The following B3GAT2 variants were observed in gnomAD, a reference collection of about 807,000 sequenced individuals.
B3GAT2 encodes the protein beta-1,3-glucuronyltransferase 2, also known as galactosylgalactosylxylosylprotein 3-beta-glucuronosyltransferase 2.
Under a neutral mutation model 27.8 loss-of-function variants are expected in B3GAT2, and 26 were observed. The ratio of observed to expected loss-of-function variants is 0.93; its 90% CI spans 0.68 to 1.30. B3GAT2 has a LOEUF of 1.30. Ranked by LOEUF, B3GAT2 falls within the 50% of genes most tolerant of loss-of-function variation. The pLI is 0.00. For synonymous variants in B3GAT2, 218 were observed against 195.1 expected (o/e 1.12, Z -0.98); for missense variants, 458 against 459.0 (o/e 1.00, Z 0.02).
At chr6:70,941,870 C>G (rs1193442559) in intron 1 of B3GAT2, among the ~76,000 whole-genome samples, 1 of 152,026 alleles carries the variant, frequency 6.6e-6, no homozygotes, top group East Asian at 1.9e-4. Context: ...CAACAGTAAA[C>G]AAAAGAAAAT....
In B3GAT2 at chr6:70,856,711, TGTAA is replaced by T; in HGVS notation, c.*4948_*4951del. On this transcript the variant is annotated 3_prime_UTR_variant, in exon 4 of 4. Coordinates refer to ENST00000230053, the MANE Select transcript of B3GAT2 (RefSeq NM_080742.3). ...AGATGTTTTTATATGGGCTTGGGCTTGTAAGTGATCCTCTTGAATGGCACCATTT... is the reference window on the plus strand; with the variant it reads ...AGATGTTTTTATATGGGCTTGGGCTTGTGATCCTCTTGAATGGCACCATTT... 1.4e-6 allele frequency: 1 copy of T among 697,682 alleles called. No homozygotes were observed. The highest frequency in any genetic ancestry group is 2.3e-6 in the Non-Finnish European group (1 of 439,726). 43.2% of individuals were successfully genotyped at this position (697,682 alleles called of 1,614,324 possible). A position where few individuals can be genotyped will look rare whatever the true frequency, so the allele number is the denominator to read the frequency against.
chr6:70,861,393 T>C lies in B3GAT2; in HGVS notation c.*270A>G. The C allele has an allele frequency of 2.3e-6, 1 of 426,858 alleles. No homozygotes were observed. The highest frequency in any genetic ancestry group is 4.3e-6 in the Non-Finnish European group (1 of 235,224). 26.4% of individuals were successfully genotyped at this position (426,858 alleles called of 1,614,324 possible). A position where few individuals can be genotyped will look rare whatever the true frequency, so the allele number is the denominator to read the frequency against. On this transcript the variant is annotated 3_prime_UTR_variant, in exon 4 of 4. Coordinates refer to ENST00000230053, the MANE Select transcript of B3GAT2 (RefSeq NM_080742.3). ...TACTCAAGAGTGGTATCTTGCAGTA[T>C]CGGCACTGTACAAAAAAATCTTCCA...
intron 1 of B3GAT2, among the ~76,000 whole-genome samples, chr6:70,952,843 G>A (rs1410133761): frequency 6.6e-6 from 1 of 152,214 alleles, no homozygotes; most frequent in Non-Finnish European, 1.5e-5. Context: ...TGAAAGGAAA[G>A]GCTGAAAATT....
chr6:70,894,307 C>G, intron 1 of B3GAT2, 35 bp from the exon 2 acceptor site: 1 of 1,521,524 alleles, frequency 6.6e-7, no homozygotes, highest in Non-Finnish European at 8.9e-7. Context: ...TTTTAAGTTT[C>G]CTTAGGAAAA....
chr6:70,951,145 T>A (rs1765572964), intron 1 of B3GAT2, among the ~76,000 whole-genome samples: 1 of 151,996 alleles, frequency 6.6e-6, no homozygotes, highest in South Asian at 2.1e-4. Flanking sequence ...TATTCCAGAG[T>A]CCAAAACATT....
intron 1 of B3GAT2, among the ~76,000 whole-genome samples, chr6:70,938,622 T>G (rs1765336219): frequency 6.6e-6 from 1 of 151,602 alleles, no homozygotes; most frequent in South Asian, 2.1e-4. Flanking sequence ...TATCTGATCT[T>G]TGACAAACCT....
chr6:70,868,311 A>C (rs1562213621), intron 2 of B3GAT2, among the ~76,000 whole-genome samples: 1 of 152,172 alleles, frequency 6.6e-6, no homozygotes, highest in Non-Finnish European at 1.5e-5. Flanking sequence ...TGGCCATTTA[A>C]ATAAGGCTCC....
intron 2 of B3GAT2, among the ~76,000 whole-genome samples, chr6:70,884,429 T>C (rs540920378): frequency 6.6e-6 from 1 of 152,292 alleles, no homozygotes; most frequent in Non-Finnish European, 1.5e-5. Flanking sequence ...CAGCAAACAT[T>C]TGTTCAAGCT....
rs1195929610 is a variant in B3GAT2 at position 70,860,479 on chromosome 6, C to CTGTACTGATTCA, written c.*1172_*1183dup. Reference sequence around the variant, plus strand: ...GAATGATCTGATTGACCGTGTTGGTCTGTACTGATTCAATTTGATGTGGTG... The same window carrying CTGTACTGATTCA: ...GAATGATCTGATTGACCGTGTTGGTCTGTACTGATTCATGTACTGATTCAATTTGATGTGGTG... On this transcript the variant is annotated 3_prime_UTR_variant, in exon 4 of 4. Transcript: ENST00000230053. 1.1e-6 allele frequency: 1 copy of CTGTACTGATTCA among 921,592 alleles called. No homozygotes were observed. The highest frequency in any genetic ancestry group is 1.7e-5 in the African/African-American group (1 of 58,868). 57.1% of individuals were successfully genotyped at this position (921,592 alleles called of 1,614,324 possible).
In B3GAT2 at chr6:70,873,625, CA is replaced by C. The variant is rs140119123; in HGVS notation, c.737-11648del. Among the ~76,000 whole-genome samples the C allele has an allele frequency of 8.0e-3, 1,215 of 152,120 alleles. 10 individuals are homozygous for C. The highest frequency in any genetic ancestry group is 0.034 in the Middle Eastern group (10 of 294). Reference sequence around the variant, plus strand: ...TTCATACAGATTTGGGAAGTTCTAACATTTTTTTTCAAATATTCTTTTTGTC... The same window carrying C: ...TTCATACAGATTTGGGAAGTTCTAACTTTTTTTTCAAATATTCTTTTTGTC... On this transcript the variant is annotated intron_variant, in intron 2 of 3. Transcript: ENST00000230053.
chr6:70,860,004 C>T lies in B3GAT2; in HGVS notation c.*1659G>A. 1 of 499,384 alleles carries T rather than the reference C, an allele frequency of 2.0e-6. No homozygotes were observed. The highest frequency in any genetic ancestry group is 3.2e-6 in the Non-Finnish European group (1 of 308,680). 30.9% of individuals were successfully genotyped at this position (499,384 alleles called of 1,614,324 possible). On this transcript the variant is annotated 3_prime_UTR_variant, in exon 4 of 4. Coordinates refer to ENST00000230053, the MANE Select transcript of B3GAT2 (RefSeq NM_080742.3). The stretch of plus-strand genomic sequence containing the variant: ...AAGTTGTGGTTAATCTTTGGGGAAA[C>T]TGTATCTAGAAAGTAGATAAAGAAG...
At chr6:70,886,353 G>A (rs1238980693) in intron 2 of B3GAT2, among the ~76,000 whole-genome samples, 1 of 152,172 alleles carries the variant, frequency 6.6e-6, no homozygotes, top group African/African-American at 2.4e-5. Context: ...AACACAGAAT[G>A]CTTCCAAATG....
intron 1 of B3GAT2, among the ~76,000 whole-genome samples, chr6:70,896,039 AG>A (rs1475305208): frequency 2.0e-5 from 3 of 152,190 alleles, no homozygotes; most frequent in Non-Finnish European, 4.4e-5. Context: ...CTTTCCTTTC[AG>A]GAATATGAAA....
intron 1 of B3GAT2, among the ~76,000 whole-genome samples, chr6:70,950,445 G>A (rs1015622371): frequency 6.6e-6 from 1 of 152,082 alleles, no homozygotes; most frequent in Non-Finnish European, 1.5e-5. Flanking sequence ...CAAGGCTCCT[G>A]CTAATCAGGT....
chr6:70,939,315 A>C (rs9446309), intron 1 of B3GAT2, among the ~76,000 whole-genome samples: 118,440 of 118,456 alleles, frequency 1, 59,212 homozygotes, highest in Middle Eastern at 1. Flanking sequence ...TAAACTAGTA[A>C]AACCATTGTG....
chr6:70,932,576 G>C (rs1236928238), intron 1 of B3GAT2, among the ~76,000 whole-genome samples: 1 of 152,090 alleles, frequency 6.6e-6, no homozygotes, highest in Middle Eastern at 3.2e-3. Context: ...CTTATATGAG[G>C]TACCTAGTCC....
chr6:70,929,857 G>A (rs1773030911), intron 1 of B3GAT2, among the ~76,000 whole-genome samples: 1 of 152,082 alleles, frequency 6.6e-6, no homozygotes, highest in Non-Finnish European at 1.5e-5. Flanking sequence ...AAGTTCATAT[G>A]GAACCAAAAA....
intron 1 of B3GAT2, among the ~76,000 whole-genome samples, chr6:70,934,971 C>A (rs1158573176): frequency 2.0e-5 from 3 of 152,066 alleles, no homozygotes; most frequent in Non-Finnish European, 4.4e-5. Context: ...GTAAGTCAGT[C>A]CTGAAGCTTT....
intron 1 of B3GAT2, among the ~76,000 whole-genome samples, chr6:70,900,672 G>C (rs2150034548): frequency 6.6e-6 from 1 of 152,310 alleles, no homozygotes; most frequent in Non-Finnish European, 1.5e-5. Context: ...CTCCTTGGGA[G>C]ATGGCTAACA....
Sources: gnomAD v4.1 joint callset for allele counts (sites outside exome capture counted in the v4.1 genomes callset) on GRCh38, gnomAD v4.1.1 for gene constraint, MANE v1.5 for transcripts, NCBI Gene and HGNC (gene_info 2026-07-23, HGNC 2026-07-21) for gene names.